Variants in ST6GAL1 observed in about 807,000 individuals in gnomAD.
ST6GAL1 encodes beta-galactoside alpha-2,6-sialyltransferase 1.
ST6GAL1 carries 20 observed loss-of-function variants against 38.0 expected under a neutral mutation model. That is an observed-to-expected ratio of 0.53 (90% CI 0.37 to 0.77). ST6GAL1 has a LOEUF of 0.77. Ranked by LOEUF, ST6GAL1 falls within the 30% of genes least tolerant of loss-of-function variation. The pLI is 0.00. For synonymous variants in ST6GAL1, 196 were observed against 188.2 expected, an observed-to-expected ratio of 1.04 and a Z score of -0.34; for missense variants, 432 against 496.4, an observed-to-expected ratio of 0.87 and a Z score of 1.23.
rs534309893 is a variant in ST6GAL1 at position 186,953,919 on chromosome 3, A to T, written c.-324-9866A>T. On this transcript the variant is annotated intron_variant, in intron 1 of 7. Transcript: ENST00000169298. ...TGTGCCATGGTGGTTTGCTGCCCCT[A>T]TCAACCCATCACCTAGGTATTAAGC... 1.6e-3 allele frequency among the ~76,000 whole-genome samples: 237 copies of T among 151,182 alleles called. 1 individual carries two copies. The highest frequency in any genetic ancestry group is 3.0e-3 in the Non-Finnish European group (207 of 67,898).
intron 5 of ST6GAL1, chr3:187,072,632 A>T: frequency 1.9e-6 from 1 of 521,380 alleles, no homozygotes; most frequent in Middle Eastern, 5.5e-4. Context: ...TTTCTATTCT[A>T]TGGCTAGTGG....
At chr3:187,070,413 T>TAACA (rs1719321304) in intron 5 of ST6GAL1, among the ~76,000 whole-genome samples, 1 of 138,478 alleles carries the variant, frequency 7.2e-6, no homozygotes, top group Non-Finnish European at 1.5e-5. Flanking sequence ...TTTTGCCCCC[T>TAACA]AACACTTGCT....
intron 2 of ST6GAL1, among the ~76,000 whole-genome samples, chr3:187,000,831 A>G (rs1023398376): frequency 1.3e-5 from 2 of 152,342 alleles, no homozygotes; most frequent in South Asian, 2.1e-4. Context: ...TTTCCCAGCC[A>G]TGAGTGATAC....
Position 187,037,082 on chromosome 3 carries a change from CTT to C in ST6GAL1, c.-182-1659_-182-1658del, listed in dbSNP as rs1338591002. 4.6e-5 allele frequency among the ~76,000 whole-genome samples: 7 copies of C among 152,094 alleles called. 1 individual carries two copies. On this transcript the variant is annotated intron_variant, in intron 2 of 7. Transcript: ENST00000169298. Reference sequence around the variant, plus strand: ...TTTATGAATTATTTATTTATTCACTCTTATTTCCTAGAAGTACAGTAGCCTGG... The same window carrying C: ...TTTATGAATTATTTATTTATTCACTCATTTCCTAGAAGTACAGTAGCCTGG...
intron 3 of ST6GAL1, among the ~76,000 whole-genome samples, chr3:187,041,736 A>T (rs1468601439): frequency 6.6e-6 from 1 of 152,226 alleles, no homozygotes; most frequent in Non-Finnish European, 1.5e-5. Context: ...TTGCTAATCC[A>T]TAAAATGGAG....
At chr3:187,072,651 A>G in intron 5 of ST6GAL1, 198 bp from the exon 6 acceptor site, 3 of 576,394 alleles carry the variant, frequency 5.2e-6, no homozygotes, top group Non-Finnish European at 9.6e-6. Flanking sequence ...GGCTTGTGAT[A>G]AATGTCCTTT....
intron 2 of ST6GAL1, among the ~76,000 whole-genome samples, chr3:187,000,528 C>T (rs1204401974): frequency 6.6e-6 from 1 of 152,210 alleles, no homozygotes; most frequent in Admixed American, 6.5e-5. Flanking sequence ...TGCCATTGCA[C>T]TCCAGCCTGG....
chr3:187,047,300 A>G (rs1339597802), intron 4 of ST6GAL1, among the ~76,000 whole-genome samples: 4 of 151,856 alleles, frequency 2.6e-5, no homozygotes, highest in Admixed American at 2.0e-4. Context: ...GTTTTCTTCA[A>G]CCGGACTCAG....
intron 2 of ST6GAL1, among the ~76,000 whole-genome samples, chr3:187,022,357 T>TGGG: frequency 6.6e-6 from 1 of 152,010 alleles, no homozygotes; most frequent in East Asian, 1.9e-4. Flanking sequence ...CACAGGGACT[T>TGGG]GGGGGGTAGA....
At chr3:187,021,312 G>T (rs1717290539) in intron 2 of ST6GAL1, among the ~76,000 whole-genome samples, 1 of 152,162 alleles carries the variant, frequency 6.6e-6, no homozygotes, top group South Asian at 2.1e-4. Context: ...CATAGCCCTT[G>T]CTACAGTCTT....
chr3:187,028,253 G>A (rs1331350067), intron 2 of ST6GAL1, among the ~76,000 whole-genome samples: 1 of 152,202 alleles, frequency 6.6e-6, no homozygotes, highest in East Asian at 1.9e-4. Context: ...CATGCAATAA[G>A]TGGCTCAATA....
In ST6GAL1 at chr3:187,042,894, C is replaced by G; in HGVS notation, c.191C>G (p.Ser64Cys). The G allele has an allele frequency of 5.0e-6, 8 of 1,614,180 alleles. No homozygotes were observed. Among genetic ancestry groups the G allele is most frequent in the Admixed American group, 1.7e-5 (1 of 60,024 alleles). ...LAMGSDSQSV[S>C]SSSTQDPHRG... The stretch of plus-strand genomic sequence containing the variant: ...ATGGGGTCTGATTCCCAGTCTGTAT[C>G]CTCAAGCAGCACCCAGGACCCCCAC... Residue 64 changes from serine to cysteine, a missense_variant, in exon 4 of 8, where the codon TCC (serine) becomes TGC (cysteine). Coordinates refer to ENST00000169298, the MANE Select transcript of ST6GAL1 (RefSeq NM_173216.2).
intron 2 of ST6GAL1, among the ~76,000 whole-genome samples, chr3:187,031,216 T>A (rs1717737937): frequency 6.6e-6 from 1 of 152,162 alleles, no homozygotes; most frequent in Non-Finnish European, 1.5e-5. Context: ...TGAGTGGGCA[T>A]GGCCCCATGG....
At chr3:186,967,657 G>C (rs1715194971) in intron 2 of ST6GAL1, among the ~76,000 whole-genome samples, 1 of 152,206 alleles carries the variant, frequency 6.6e-6, no homozygotes, top group African/African-American at 2.4e-5. Flanking sequence ...TGGAGGTGGT[G>C]CCCTGCCTTC....
At chr3:187,074,808 T>C (rs1719507301) in intron 7 of ST6GAL1, among the ~76,000 whole-genome samples, 1 of 152,120 alleles carries the variant, frequency 6.6e-6, no homozygotes, top group South Asian at 2.1e-4. Context: ...GTGTACAATT[T>C]AAGGGCGTAC....
At chr3:187,039,253 A>G (rs1307064415) in intron 3 of ST6GAL1, among the ~76,000 whole-genome samples, 2 of 152,178 alleles carry the variant, frequency 1.3e-5, no homozygotes, top group Non-Finnish European at 2.9e-5. Flanking sequence ...AGTTCTTTGA[A>G]GGTGATGATG....
chr3:186,991,002 CT>C (rs1716149466), intron 2 of ST6GAL1, among the ~76,000 whole-genome samples: 3 of 152,084 alleles, frequency 2.0e-5, no homozygotes, highest in African/African-American at 7.2e-5. Context: ...CGTGAATCAG[CT>C]TGCCAGGCTT....
At position 186,989,271 on chromosome 3, in the gene ST6GAL1, A is replaced by C. The variant is rs186377687; in HGVS notation, c.-183+25345A>C. On this transcript the variant is annotated intron_variant, in intron 2 of 7. Transcript: ENST00000169298. Reference sequence around the variant, plus strand: ...GGTTTAGAAGAGTGCCATAGTCTTAAAAGGTTGTTTTTTGGAAAAAAGAAC... The same window carrying C: ...GGTTTAGAAGAGTGCCATAGTCTTACAAGGTTGTTTTTTGGAAAAAAGAAC... Among the ~76,000 whole-genome samples the C allele has an allele frequency of 1.1e-3, 170 of 152,350 alleles. 1 individual carries two copies. Among genetic ancestry groups the C allele is most frequent in the African/African-American group, 4.0e-3 (166 of 41,588 alleles).
At chr3:187,000,674 G>A (rs11707680) in intron 2 of ST6GAL1, among the ~76,000 whole-genome samples, 27,350 of 152,146 alleles carry the variant, frequency 0.18, 2,507 homozygotes, top group African/African-American at 0.18. Flanking sequence ...AATTTTGCTT[G>A]TTCCTATGGC....
Sources: allele counts gnomAD v4.1 joint callset (sites outside exome capture counted in the v4.1 genomes callset), GRCh38; gene constraint gnomAD v4.1.1; transcripts MANE v1.5; gene names NCBI Gene and HGNC (gene_info 2026-07-23, HGNC 2026-07-21).